The following TMEM135 variants were observed in gnomAD, a reference collection of about 807,000 sequenced individuals.
TMEM135 encodes peroxisomal membrane protein 52.
In TMEM135, 30 loss-of-function variants were observed where a neutral mutation model predicts 60.3. The observed-to-expected ratio is 0.50, with a 90% CI of 0.37 to 0.68. TMEM135 has a LOEUF of 0.68. Among genes scored for constraint, TMEM135 ranks in the 30% least tolerant of loss-of-function variants. The pLI, the probability that TMEM135 is intolerant of heterozygous loss-of-function variation, is 0.00. For synonymous variants in TMEM135, 190 were observed against 186.7 expected (o/e 1.02, Z -0.14); for missense variants, 468 against 548.8 (o/e 0.85, Z 1.47).
chr11:87,150,478 G>A (rs1359053916), intron 4 of TMEM135, among the ~76,000 whole-genome samples: 1 of 152,158 alleles, frequency 6.6e-6, no homozygotes, highest in Admixed American at 6.5e-5. Flanking sequence ...CTGTGGTGGT[G>A]TAGGGATGTT....
rs1490267794 is a variant in TMEM135 at position 87,067,676 on chromosome 11, A to C, written c.142-18A>C. On this transcript the variant is annotated intron_variant, in intron 1 of 14. Coordinates refer to ENST00000305494, the MANE Select transcript of TMEM135 (RefSeq NM_022918.4). ...GAAATGTTGGTTGGATTAAACAAAA[A>C]ATCCTTTCTCTTTCCAGATTGCAGC... is the stretch of plus-strand genomic sequence containing the variant. 1 of 1,613,186 alleles carries C rather than the reference A, an allele frequency of 6.2e-7. No individual in the cohort carries two copies. The highest frequency in any genetic ancestry group is 8.5e-7 in the Non-Finnish European group (1 of 1,179,520).
chr11:87,291,515 A>ATTTTTT lies in TMEM135; in HGVS notation c.510-4238_510-4233dup, dbSNP rs869273724. Among the ~76,000 whole-genome samples, 39 of 50,568 alleles carry ATTTTTT rather than the reference A, an allele frequency of 7.7e-4. 2 individuals carry two copies. Among genetic ancestry groups the ATTTTTT allele is most frequent in the Non-Finnish European group, 1.1e-3 (32 of 28,638 alleles). 33.2% of individuals were successfully genotyped at this position (50,568 alleles called of 152,430 possible). A position where few individuals can be genotyped will look rare whatever the true frequency, so the allele number is the denominator to read the frequency against. Reference sequence around the variant, plus strand: ...TGTAAGTCTATCCAGCAGCCAAGTGATTTTTTTTTTTTTTTTTTTTTTTTT... The same window carrying ATTTTTT: ...TGTAAGTCTATCCAGCAGCCAAGTGATTTTTTTTTTTTTTTTTTTTTTTTTTTTTTT... On this transcript the variant is annotated intron_variant, in intron 6 of 14. Coordinates refer to ENST00000305494, the MANE Select transcript of TMEM135 (RefSeq NM_022918.4).
chr11:87,282,163 G>A (rs1188523568), intron 6 of TMEM135, among the ~76,000 whole-genome samples: 2 of 152,134 alleles, frequency 1.3e-5, no homozygotes, highest in Non-Finnish European at 2.9e-5. Context: ...GTGGATAAGA[G>A]AAGCCAGCAT....
chr11:87,158,505 A>G (rs972596099), intron 5 of TMEM135, among the ~76,000 whole-genome samples: 2 of 147,674 alleles, frequency 1.4e-5, no homozygotes, highest in African/African-American at 5.0e-5. Context: ...TCTGTCACCC[A>G]GGCTGGAGTG....
At chr11:87,298,955 A>G (rs1269398439) in intron 7 of TMEM135, among the ~76,000 whole-genome samples, 2 of 151,246 alleles carry the variant, frequency 1.3e-5, no homozygotes, top group African/African-American at 4.9e-5. Flanking sequence ...GGGTGTGGTG[A>G]TGGGCGCCTG....
chr11:87,128,198 G>T (rs1171829324), intron 4 of TMEM135, among the ~76,000 whole-genome samples: 2 of 152,126 alleles, frequency 1.3e-5, no homozygotes. Flanking sequence ...CAAAACTACA[G>T]CCCTTCTATA....
At chr11:87,071,859 T>C (rs1179260424) in intron 3 of TMEM135, among the ~76,000 whole-genome samples, 1 of 152,134 alleles carries the variant, frequency 6.6e-6, no homozygotes, top group East Asian at 1.9e-4. Context: ...TACTAAAAGA[T>C]TAGAGAGTTC....
At chr11:87,259,898 G>A (rs1941612462) in intron 6 of TMEM135, among the ~76,000 whole-genome samples, 1 of 152,160 alleles carries the variant, frequency 6.6e-6, no homozygotes, top group Admixed American at 6.6e-5. Flanking sequence ...TAATCACAAA[G>A]CCTCTTTGTA....
intron 5 of TMEM135, among the ~76,000 whole-genome samples, chr11:87,231,504 C>A (rs1940888455): frequency 6.6e-6 from 1 of 152,262 alleles, no homozygotes; most frequent in East Asian, 1.9e-4. Flanking sequence ...AAGATCAAAC[C>A]ATTTCCAAGT....
chr11:87,107,726 G>A (rs1405728381), intron 4 of TMEM135, among the ~76,000 whole-genome samples: 8 of 152,218 alleles, frequency 5.3e-5, no homozygotes, highest in Non-Finnish European at 7.4e-5. Context: ...ATAAACATAC[G>A]TGTGCATGTG....
chr11:87,252,661 C>A (rs983142174), intron 6 of TMEM135, among the ~76,000 whole-genome samples: 1 of 151,682 alleles, frequency 6.6e-6, no homozygotes, highest in Non-Finnish European at 1.5e-5. Flanking sequence ...ATCCCAGCTA[C>A]TTGGGTGGCT....
intron 5 of TMEM135, among the ~76,000 whole-genome samples, chr11:87,170,878 A>G (rs1347301378): frequency 2.0e-5 from 3 of 152,162 alleles, no homozygotes; most frequent in African/African-American, 7.2e-5. Context: ...AGTTTGTGGA[A>G]GCTGGGCCCA....
chr11:87,118,171 AT>A (rs1300522012), intron 4 of TMEM135, among the ~76,000 whole-genome samples: 1 of 152,084 alleles, frequency 6.6e-6, no homozygotes, highest in East Asian at 1.9e-4. Flanking sequence ...TGTTTCATTT[AT>A]GGAACATGGG....
At chr11:87,168,669 A>G (rs1213739387) in intron 5 of TMEM135, among the ~76,000 whole-genome samples, 1 of 152,048 alleles carries the variant, frequency 6.6e-6, no homozygotes, top group African/African-American at 2.4e-5. Flanking sequence ...GGTCTCAGAG[A>G]CTGTTTGTTA....
At position 87,236,818 on chromosome 11, in the gene TMEM135, G is replaced by C. The variant is rs1484395744; in HGVS notation, c.509+134G>C. On this transcript the variant is annotated intron_variant, in intron 6 of 14. Transcript: ENST00000305494. ...CATACTCCCCCCGCACCCCCGCCCA[G>C]AGTGGACAGAGGTAAATCATTGCTC... is the stretch of plus-strand genomic sequence containing the variant. The C allele has an allele frequency of 1.8e-5, 14 of 790,578 alleles. No homozygotes were observed. In the Admixed American group the frequency reaches 2.7e-4, roughly 15 times the overall value. The allele number at this position is 790,578 out of a possible 1,614,324, so 49.0% of individuals were successfully genotyped here.
intron 6 of TMEM135, among the ~76,000 whole-genome samples, chr11:87,258,054 A>G (rs1269929406): frequency 2.0e-5 from 3 of 152,222 alleles, no homozygotes; most frequent in African/African-American, 7.2e-5. Flanking sequence ...AATTACATTT[A>G]TAGTCTTTAG....
rs1942909245 is a variant in TMEM135 at position 87,326,136 on chromosome 11, C to T, written c.*4803C>T. 1 of 453,830 alleles carries T rather than the reference C, an allele frequency of 2.2e-6. No homozygotes were observed. Among genetic ancestry groups the T allele is most frequent in the Admixed American group, 2.4e-5 (1 of 42,524 alleles). 28.1% of individuals were successfully genotyped at this position (453,830 alleles called of 1,614,324 possible). Reference sequence around the variant, plus strand: ...TTTTGTGCCATACTCTCCCCCACCCCCAGCCTGCTGCCTCTGCAGAGCATA... The same window carrying T: ...TTTTGTGCCATACTCTCCCCCACCCTCAGCCTGCTGCCTCTGCAGAGCATA... On this transcript the variant is annotated 3_prime_UTR_variant, in exon 15 of 15. Transcript: ENST00000305494.
intron 1 of TMEM135, among the ~76,000 whole-genome samples, chr11:87,053,094 C>T (rs1397425611): frequency 8.2e-6 from 1 of 121,286 alleles, no homozygotes; most frequent in Non-Finnish European, 1.6e-5. Flanking sequence ...TATTCTCACT[C>T]AAAGCTGGGA....
chr11:87,173,426 C>A (rs117691272), intron 5 of TMEM135, among the ~76,000 whole-genome samples: 3,112 of 152,114 alleles, frequency 0.02, 51 homozygotes, highest in Non-Finnish European at 0.03. Flanking sequence ...TAAACTAAAC[C>A]AAAATGGTTT....
Sources: allele counts gnomAD v4.1 joint callset (sites outside exome capture counted in the v4.1 genomes callset), GRCh38; gene constraint gnomAD v4.1.1; transcripts MANE v1.5; gene names NCBI Gene and HGNC (gene_info 2026-07-23, HGNC 2026-07-21).